Variants in VAX2 observed in about 807,000 individuals in gnomAD.
The protein encoded by VAX2 is ventral anterior homeobox 2.
VAX2 carries 8 observed loss-of-function variants against 12.5 expected under a neutral mutation model. The observed-to-expected ratio is 0.64, with a 90% confidence interval of 0.37 to 1.15. VAX2 has a LOEUF of 1.15. VAX2 is among the 50% of genes most tolerant of loss of function. The pLI, the probability that VAX2 is intolerant of heterozygous loss-of-function variation, is 0.01. For missense variants in VAX2, 476 were observed against 412.9 expected, an observed-to-expected ratio of 1.15 and a Z score of -1.32; for synonymous variants, 183 against 187.6, an observed-to-expected ratio of 0.98 and a Z score of 0.20.
chr2:70,903,264 C>T (rs3771403), intron 1 of VAX2, among the ~76,000 whole-genome samples: 36,640 of 152,124 alleles, frequency 0.24, 4,668 homozygotes, highest in Non-Finnish European at 0.26. Context: ...TGGAAGGAAA[C>T]CACTAAAAGG....
In VAX2 at chr2:70,933,075, C is replaced by T; in HGVS notation, c.744C>T (p.Val248=). The change falls in exon 3 of 3, where the codon GTC becomes GTT. Residue 248 remains valine (V), a synonymous_variant. Transcript: ENST00000234392. ...SPPLPPPLPA[V]CFSSAPLLDL... ...CACTGCCGCCCCCTCTGCCAGCTGTCTGCTTTTCCTCGGCCCCGCTCCTGG... is the reference window on the plus strand; with the variant it reads ...CACTGCCGCCCCCTCTGCCAGCTGTTTGCTTTTCCTCGGCCCCGCTCCTGG... 1 of 1,609,658 alleles carries T rather than the reference C, an allele frequency of 6.2e-7. No individual in the cohort carries two copies. The highest frequency in any genetic ancestry group is 1.3e-5 in the African/African-American group (1 of 74,980).
intron 1 of VAX2, among the ~76,000 whole-genome samples, chr2:70,910,492 T>C (rs1553411072): frequency 6.6e-6 from 1 of 152,136 alleles, no homozygotes; most frequent in African/African-American, 2.4e-5. Context: ...AAAAGTGTCA[T>C]TTCTCTACGT....
intron 1 of VAX2, among the ~76,000 whole-genome samples, chr2:70,911,081 C>G (rs1313875937): frequency 1.3e-5 from 2 of 152,150 alleles, no homozygotes; most frequent in East Asian, 3.8e-4. Context: ...AATCTTTCCT[C>G]CCTGATCGGT....
intron 1 of VAX2, among the ~76,000 whole-genome samples, chr2:70,911,433 C>A (rs74371303): frequency 1.3e-3 from 199 of 152,248 alleles, no homozygotes; most frequent in Non-Finnish European, 2.5e-3. Context: ...ATCAACTACG[C>A]CAACGTTTCT....
chr2:70,900,821 A>G lies in VAX2; in HGVS notation c.200A>G (p.Gln67Arg), dbSNP rs1170444057. Reference protein sequence around the residue: ...SRESGADSDGQPGPGEADHCR... With the variant: ...SRESGADSDGRPGPGEADHCR... Reference sequence around the variant, plus strand: ...GAGAGTGGAGCCGACAGCGACGGGCAGCCCGGGCCCGGCGAGGCAGACCAC... The same window carrying G: ...GAGAGTGGAGCCGACAGCGACGGGCGGCCCGGGCCCGGCGAGGCAGACCAC... Residue 67 changes from glutamine (Q) to arginine (R), a missense_variant, in exon 1 of 3, where the codon CAG becomes CGG. Physicochemically the swap from Gln to Arg is conservative, Grantham distance 43. Coordinates refer to ENST00000234392, the MANE Select transcript of VAX2 (RefSeq NM_012476.3). The G allele has an allele frequency of 2.7e-6, 4 of 1,483,934 alleles. No individual in the cohort carries two copies. The African/African-American group carries it at 5.8e-5, about 21-fold the overall frequency. The allele number at this position is 1,483,934 out of a possible 1,614,324, so 91.9% of individuals were successfully genotyped here. A position where few individuals can be genotyped will look rare whatever the true frequency, so the allele number is the denominator to read the frequency against.
At chr2:70,900,928 C>T (rs1262668335) in intron 1 of VAX2, 60 bp downstream of exon 1, 2 of 1,275,084 alleles carry the variant, frequency 1.6e-6, no homozygotes, top group Non-Finnish European at 2.0e-6. Context: ...TACTGGGGCC[C>T]CCGACCTAGC....
intron 1 of VAX2, among the ~76,000 whole-genome samples, chr2:70,918,106 G>T (rs1679348160): frequency 6.6e-6 from 1 of 152,224 alleles, no homozygotes; most frequent in South Asian, 2.1e-4. Flanking sequence ...TGTCCTAAGA[G>T]GCCTGTAGTC....
At chr2:70,920,630 T>C (rs1679435850) in intron 1 of VAX2, among the ~76,000 whole-genome samples, 1 of 101,814 alleles carries the variant, frequency 9.8e-6, no homozygotes, top group Non-Finnish European at 1.9e-5. Flanking sequence ...CCTTCATGCA[T>C]GCATGCATGC....
rs184972588 is a variant in VAX2 at position 70,929,016 on chromosome 2, G to A, written c.436-3751G>A. ...GGTGCTGGCTTGGCTAAGAGGTCAG[G>A]AAGCTTCCCAGCAGGGAGGGGGAAT... On this transcript the variant is annotated intron_variant, in intron 2 of 2. Coordinates refer to ENST00000234392, the MANE Select transcript of VAX2 (RefSeq NM_012476.3). 5.3e-4 allele frequency among the ~76,000 whole-genome samples: 81 copies of A among 152,354 alleles called. No homozygotes were observed. In the Middle Eastern group the frequency reaches 0.01, roughly 19 times the overall value.
chr2:70,908,486 T>A lies in VAX2; in HGVS notation c.247+7618T>A, dbSNP rs114705145. Among the ~76,000 whole-genome samples the A allele has an allele frequency of 9.6e-3, 1,460 of 152,136 alleles. 21 individuals are homozygous for A. The highest frequency in any genetic ancestry group is 0.034 in the African/African-American group (1,394 of 41,504). ...TGGGGTGTAAATAACTTTTTGTTTG[T>A]TTTTTTTATAGATGCATAATATTCC... On this transcript the variant is annotated intron_variant, in intron 1 of 2. Coordinates refer to ENST00000234392, the MANE Select transcript of VAX2 (RefSeq NM_012476.3).
chr2:70,908,028 A>G (rs1679098708), intron 1 of VAX2, among the ~76,000 whole-genome samples: 1 of 152,188 alleles, frequency 6.6e-6, no homozygotes, highest in African/African-American at 2.4e-5. Flanking sequence ...GTTTTTCCTT[A>G]ATATAAACAC....
At chr2:70,910,805 C>CA (rs34270321) in intron 1 of VAX2, among the ~76,000 whole-genome samples, 469 of 146,384 alleles carry the variant, frequency 3.2e-3, no homozygotes, top group African/African-American at 9.1e-3. Flanking sequence ...CAAAACAAAA[C>CA]AAAAAACCCA....
In VAX2 at chr2:70,900,878, C is replaced by G. The variant is rs1331645728; in HGVS notation, c.247+10C>G. On this transcript the variant is annotated intron_variant, in intron 1 of 2. Transcript: ENST00000234392. ...CGCATACTGGTGCGAGGTAAGGGGA[C>G]AGCCCGCGGCCCTGCTCCACTGGAC... 7.2e-7 allele frequency: 1 copy of G among 1,394,836 alleles called. No homozygotes were observed. Among genetic ancestry groups the G allele is most frequent in the East Asian group, 3.0e-5 (1 of 33,452 alleles). 86.4% of individuals were successfully genotyped at this position (1,394,836 alleles called of 1,614,324 possible).
intron 1 of VAX2, among the ~76,000 whole-genome samples, chr2:70,912,662 A>C (rs1446343787): frequency 6.6e-6 from 1 of 151,970 alleles, no homozygotes; most frequent in Non-Finnish European, 1.5e-5. Context: ...ACTCCGTTTC[A>C]AAAAAAAGTC....
At chr2:70,903,844 G>C (rs1420672666) in intron 1 of VAX2, among the ~76,000 whole-genome samples, 2 of 152,126 alleles carry the variant, frequency 1.3e-5, no homozygotes, top group East Asian at 3.9e-4. Flanking sequence ...AGCACCTAGG[G>C]GTTAAGAAGC....
chr2:70,916,514 T>C (rs1679308018), intron 1 of VAX2, among the ~76,000 whole-genome samples: 1 of 152,222 alleles, frequency 6.6e-6, no homozygotes, highest in Non-Finnish European at 1.5e-5. Flanking sequence ...TTCCTCTTAC[T>C]ACTCATTGAT....
intron 1 of VAX2, among the ~76,000 whole-genome samples, chr2:70,901,962 A>T (rs556097074): frequency 6.6e-6 from 1 of 152,142 alleles, no homozygotes; most frequent in South Asian, 2.1e-4. Flanking sequence ...CAGCCTCTTC[A>T]CACGCGCCGC....
chr2:70,921,832 G>C (rs1326891455), intron 2 of VAX2, among the ~76,000 whole-genome samples: 2 of 152,000 alleles, frequency 1.3e-5, no homozygotes, highest in African/African-American at 4.8e-5. Flanking sequence ...TTTAACAGCA[G>C]TGTGCTTAAC....
At chr2:70,912,610 T>C (rs1465396770) in intron 1 of VAX2, among the ~76,000 whole-genome samples, 6 of 152,074 alleles carry the variant, frequency 3.9e-5, no homozygotes, top group African/African-American at 1.4e-4. Context: ...TGCAGTGAGC[T>C]GAGATCACGC....
Sources: allele counts gnomAD v4.1 joint callset (sites outside exome capture counted in the v4.1 genomes callset), GRCh38; gene constraint gnomAD v4.1.1; transcripts MANE v1.5; gene names NCBI Gene and HGNC (gene_info 2026-07-23, HGNC 2026-07-21).